DCX: variants seen among roughly 807,000 people sequenced by gnomAD.
DCX encodes the protein neuronal migration protein doublecortin.
A neutral mutation model predicts 20.9 loss-of-function variants in DCX; 4 were observed. That is an observed-to-expected ratio of 0.19 (90% CI 0.09 to 0.44). DCX has a LOEUF of 0.44. DCX is among the 20% of genes least tolerant of loss of function. DCX has a pLI of 0.99. For synonymous variants in DCX, 103 were observed against 111.4 expected (o/e 0.92, Z 0.47); for missense variants, 133 against 296.9 (o/e 0.45, Z 4.06).
At chrX:111,407,229 G>A (rs1928275604) in intron 2 of DCX, among the ~76,000 whole-genome samples, 1 of 111,636 alleles carries the variant, frequency 9.0e-6, no homozygotes, top group African/African-American at 3.3e-5. Flanking sequence ...GGTCTTACAG[G>A]CTAGCACTGA....
At chrX:111,366,665 A>G (rs1428729251) in intron 3 of DCX, among the ~76,000 whole-genome samples, 2 of 112,062 alleles carry the variant, frequency 1.8e-5, no homozygotes, top group Non-Finnish European at 3.8e-5. Flanking sequence ...CTCAATGCTT[A>G]TATTCCCAAG....
chrX:111,381,534 G>A (rs1925970715), intron 3 of DCX, among the ~76,000 whole-genome samples: 1 of 110,634 alleles, frequency 9.0e-6, no homozygotes, highest in South Asian at 3.8e-4. Flanking sequence ...ATTTAAGAAG[G>A]CAGCCATTTG....
intron 5 of DCX, among the ~76,000 whole-genome samples, chrX:111,329,044 T>C (rs1339666084): frequency 1.8e-5 from 2 of 112,464 alleles, no homozygotes; most frequent in Admixed American, 1.9e-4. Context: ...TAGCTACTGC[T>C]GTTTCTGAGA....
intron 3 of DCX, among the ~76,000 whole-genome samples, chrX:111,375,267 A>G (rs1200072511): frequency 2.7e-5 from 3 of 110,034 alleles, no homozygotes; most frequent in Non-Finnish European, 5.7e-5. Flanking sequence ...TGAAATATTA[A>G]TAAGGTCTGT....
rs143896461 is a variant in DCX, at chrX:111,322,133, T to C, written c.946+8771A>G. Among the ~76,000 whole-genome samples, 318 of 112,318 alleles carry C rather than the reference T, an allele frequency of 2.8e-3. 3 individuals are homozygous for C. Among genetic ancestry groups the C allele is most frequent in the African/African-American group, 9.8e-3 (302 of 30,942 alleles). On this transcript the variant is annotated intron_variant, in intron 5 of 6. Coordinates refer to ENST00000636035, the MANE Select transcript of DCX (RefSeq NM_001195553.2). The stretch of plus-strand genomic sequence containing the variant: ...AATTTCAGCTGTTTTTCTGCAGTTA[T>C]TTTTAGAGCATTTTACCATACATGA...
chrX:111,334,880 C>A (rs759329578), intron 3 of DCX, among the ~76,000 whole-genome samples: 14 of 111,786 alleles, frequency 1.3e-4, no homozygotes, highest in Non-Finnish European at 2.4e-4. Flanking sequence ...CTATTGATTA[C>A]CATGTCCAAA....
rs2095024224 is a variant in DCX at position 111,297,563 on chromosome X, C to G, written c.*4124G>C. ...GTTCCTTGCCTTCTTCAAATAGCTACACATCCACTTTCAGGTTCCTTGGTT... is the reference window on the plus strand; with the variant it reads ...GTTCCTTGCCTTCTTCAAATAGCTAGACATCCACTTTCAGGTTCCTTGGTT... On this transcript the variant is annotated 3_prime_UTR_variant, in exon 7 of 7. Transcript: ENST00000636035. 1 of 111,782 alleles carries G rather than the reference C, an allele frequency of 8.9e-6. No homozygotes were observed. The highest frequency in any genetic ancestry group is 3.3e-5 in the African/African-American group (1 of 30,723). The allele number at this position is 111,782 out of a possible 1,213,427, so 9.2% of individuals were successfully genotyped here.
intron 5 of DCX, among the ~76,000 whole-genome samples, chrX:111,324,519 A>G (rs1004631750): frequency 5.4e-5 from 6 of 111,734 alleles, no homozygotes; most frequent in African/African-American, 2.0e-4. Flanking sequence ...TTCCAGTTCT[A>G]TCATCTTACT....
At chrX:111,384,476 CTT>C (rs1013129948) in intron 3 of DCX, among the ~76,000 whole-genome samples, 4 of 111,345 alleles carry the variant, frequency 3.6e-5, no homozygotes, top group African/African-American at 1.3e-4. Flanking sequence ...AGATATAAGA[CTT>C]TACTCTAGGT....
chrX:111,409,396 CA>C (rs1399838861), intron 2 of DCX, among the ~76,000 whole-genome samples: 1 of 111,168 alleles, frequency 9.0e-6, no homozygotes, highest in African/African-American at 3.3e-5. Flanking sequence ...TATAGTGAGT[CA>C]AATCCTATTC....
rs1293327142 is a variant in DCX, at chrX:111,410,352, C to T, written c.47G>A (p.Arg16Lys). The T allele has an allele frequency of 8.3e-7, 1 of 1,211,423 alleles. No individual in the cohort carries two copies. Among genetic ancestry groups the T allele is most frequent in the East Asian group, 3.0e-5 (1 of 33,806 alleles). The change falls in exon 2 of 7, where the codon AGG (arginine) becomes AAG (lysine). Residue 16 changes from arginine (R) to lysine (K), a missense_variant. Around this residue, in one of 2 missense-constraint regions of DCX, gnomAD observed 65 missense variants for 212.6 expected, o/e 0.31. Transcript: ENST00000636035. ...GHFDERDKTS[R>K]NMRGSRMNGL... is the part of the protein sequence containing the mutation. ...ATTCATCCGGGAGCCTCGCATGTTC[C>T]TGGATGTCTTATCTCTTTCGTCAAA...
At chrX:111,393,895 A>G (rs1927133669) in intron 3 of DCX, among the ~76,000 whole-genome samples, 1 of 111,655 alleles carries the variant, frequency 9.0e-6, no homozygotes, top group Non-Finnish European at 1.9e-5. Context: ...TACAATACGA[A>G]TAAGGATGGA....
At chrX:111,348,388 C>G (rs1032317068) in intron 3 of DCX, among the ~76,000 whole-genome samples, 3 of 111,941 alleles carry the variant, frequency 2.7e-5, no homozygotes, top group African/African-American at 9.8e-5. Context: ...GCAATACCAG[C>G]CTGATTGGAA....
intron 3 of DCX, among the ~76,000 whole-genome samples, chrX:111,364,249 C>A (rs767140693): frequency 5.5e-4 from 62 of 111,788 alleles, no homozygotes; most frequent in Non-Finnish European, 7.3e-4. Context: ...CTCTTTTGTT[C>A]TTAAAACTAT....
chrX:111,345,144 G>A (rs1274725451), intron 3 of DCX, among the ~76,000 whole-genome samples: 1 of 111,851 alleles, frequency 8.9e-6, no homozygotes, highest in Non-Finnish European at 1.9e-5. Context: ...AATGGGGAAA[G>A]CATCTCCTAT....
At chrX:111,310,449 T>TA (rs1383640058) in intron 6 of DCX, among the ~76,000 whole-genome samples, 9 of 111,631 alleles carry the variant, frequency 8.1e-5, no homozygotes, top group Non-Finnish European at 1.9e-5. Flanking sequence ...AGAGAGAACA[T>TA]AAAAAATAAG....
intron 3 of DCX, among the ~76,000 whole-genome samples, chrX:111,370,798 A>C (rs911145495): frequency 5.4e-5 from 6 of 110,882 alleles, no homozygotes; most frequent in Non-Finnish European, 5.7e-5. Context: ...AAAAAAATAC[A>C]TGTTCCCTAC....
At chrX:111,346,855 T>G (rs1351350142) in intron 3 of DCX, among the ~76,000 whole-genome samples, 1 of 111,873 alleles carries the variant, frequency 8.9e-6, no homozygotes, top group Non-Finnish European at 1.9e-5. Context: ...AAAAAAGAAA[T>G]GTAAAAATGA....
chrX:111,373,730 T>G (rs1243030982), intron 3 of DCX, among the ~76,000 whole-genome samples: 1 of 111,561 alleles, frequency 9.0e-6, no homozygotes, highest in Non-Finnish European at 1.9e-5. Context: ...TATGAATATA[T>G]GCCATTTTTG....
Sources: allele counts gnomAD v4.1 joint callset (sites outside exome capture counted in the v4.1 genomes callset), GRCh38; gene constraint gnomAD v4.1.1; regional missense constraint gnomAD v4.1.1; transcripts MANE v1.5; gene names NCBI Gene and HGNC (gene_info 2026-07-23, HGNC 2026-07-21).